Variants in SPNS2 observed in about 807,000 individuals in gnomAD.
SPNS2 encodes the protein sphingosine-1-phosphate transporter SPNS2.
In SPNS2, 37 loss-of-function variants were observed where a neutral mutation model predicts 57.6. That is an observed-to-expected ratio of 0.64 (90% confidence interval 0.49 to 0.85). SPNS2 has a LOEUF of 0.85. Among genes scored for constraint, SPNS2 ranks in the 40% least tolerant of loss-of-function variants. The pLI is 0.00. For synonymous variants in SPNS2, 440 were observed against 346.9 expected (o/e 1.27, Z -2.98); for missense variants, 831 against 779.1 (o/e 1.07, Z -0.79).
At chr17:4,524,013 G>C (rs1905204956) in intron 2 of SPNS2, among the ~76,000 whole-genome samples, 1 of 152,214 alleles carries the variant, frequency 6.6e-6, no homozygotes, top group African/African-American at 2.4e-5. Flanking sequence ...TGAATGACAA[G>C]ACGGTAGAAT....
chr17:4,533,725 CAG>C, intron 8 of SPNS2, 61 bp from the exon 9 acceptor site: 8 of 1,580,000 alleles, frequency 5.1e-6, no homozygotes, highest in Non-Finnish European at 7.0e-6. Flanking sequence ...GTGTAGGGAA[CAG>C]AGACTGTGGT....
Position 4,536,407 on chromosome 17 carries a change from CG to C in SPNS2, c.1589del (p.Arg530ProfsTer8). 6.2e-7 allele frequency: 1 copy of C among 1,601,956 alleles called. No homozygotes were observed. On this transcript the variant is annotated frameshift_variant, in exon 11 of 13. Coordinates refer to ENST00000329078, the MANE Select transcript of SPNS2 (RefSeq NM_001124758.3). LOFTEE classifies it high-confidence loss of function. Reference sequence around the variant, plus strand: ...CACTGCGCTCTTCTTCGTCAGCGACCGCGCCAGGGCTGAGCAGCAGTGAGTG... The same window carrying C: ...CACTGCGCTCTTCTTCGTCAGCGACCCGCCAGGGCTGAGCAGCAGTGAGTG... ...LATALFFVSD[R>X]ARAEQQVNQL... is the part of the protein sequence containing the mutation.
intron 5 of SPNS2, 75 bp downstream of exon 5, chr17:4,531,194 C>G (rs62064929): frequency 5.5e-6 from 8 of 1,441,496 alleles, no homozygotes; most frequent in Non-Finnish European, 7.7e-6. Context: ...GAGATGTAAT[C>G]CAGGCTAGGA....
At chr17:4,507,218 C>T (rs1458345319) in intron 1 of SPNS2, among the ~76,000 whole-genome samples, 1 of 152,228 alleles carries the variant, frequency 6.6e-6, no homozygotes, top group Non-Finnish European at 1.5e-5. Context: ...CAGCGTGAGC[C>T]AGCACTGAGG....
At position 4,531,002 on chromosome 17, in the gene SPNS2, T is replaced by C. The variant is rs374986986; in HGVS notation, c.726-51T>C. 6.2e-6 allele frequency: 10 copies of C among 1,600,352 alleles called. No homozygotes were observed. In the East Asian group the frequency reaches 1.8e-4, roughly 29 times the overall value. On this transcript the variant is annotated intron_variant, in intron 4 of 12. Transcript: ENST00000329078. Reference sequence around the variant, plus strand: ...GCCTTGCAGACCAGCGGGCACTCCCTGTCCCCAGCCCCTGTCTCTGCTCAG... The same window carrying C: ...GCCTTGCAGACCAGCGGGCACTCCCCGTCCCCAGCCCCTGTCTCTGCTCAG...
In SPNS2 at chr17:4,499,031, C is replaced by T; in HGVS notation, c.-17C>T. On this transcript the variant is annotated 5_prime_UTR_variant, in exon 1 of 13. Transcript: ENST00000329078. This position sits in a 1 kb window ranked among gnomAD's most constrained non-coding sequence, Gnocchi z 5.2. The stretch of plus-strand genomic sequence containing the variant: ...CCCGCGCCCCCCGCGCCCCCCGCCG[C>T]CCCGATCCGGGCCGGCATGATGTGC... The T allele has an allele frequency of 1.0e-6, 1 of 1,002,348 alleles. No homozygotes were observed. The highest frequency in any genetic ancestry group is 1.2e-6 in the Non-Finnish European group (1 of 842,560). 62.1% of individuals were successfully genotyped at this position (1,002,348 alleles called of 1,614,324 possible).
At chr17:4,536,975 GCTCC>G in intron 12 of SPNS2, 29 bp downstream of exon 12, 1 of 1,609,772 alleles carries the variant, frequency 6.2e-7, no homozygotes, top group Non-Finnish European at 8.5e-7. Flanking sequence ...GCACGTGGGG[GCTCC>G]CTAAGGAAAG....
chr17:4,531,492 G>T lies in SPNS2; in HGVS notation c.792+373G>T, dbSNP rs546910336. ...CTGTGCTAGGGTAAGGCTGGGACAA[G>T]ACCTCTGTGTGGGGGCCCCAGAGTC... On this transcript the variant is annotated intron_variant, in intron 5 of 12. Coordinates refer to ENST00000329078, the MANE Select transcript of SPNS2 (RefSeq NM_001124758.3). Among the ~76,000 whole-genome samples, 14 of 152,312 alleles carry T rather than the reference G, an allele frequency of 9.2e-5. No homozygotes were observed. The South Asian group carries it at 2.9e-3, about 32-fold the overall frequency.
At position 4,530,690 on chromosome 17, in the gene SPNS2, C is replaced by G; in HGVS notation, c.632C>G (p.Ser211Cys). The change falls in exon 4 of 13, where the codon TCC (serine) becomes TGC (cysteine). Residue 211 changes from serine to cysteine, a missense_variant. By Grantham distance (112) the Ser-to-Cys change is moderately radical (BLOSUM62 -1). Transcript: ENST00000329078. The stretch of plus-strand genomic sequence containing the variant: ...GTGGGCATCGGGGAGGCCAGCTACT[C>G]CACCATCGCCCCCACTATCATTGGC... ...GLVGIGEASYSTIAPTIIGDL... is the reference protein window; with the variant it reads ...GLVGIGEASYCTIAPTIIGDL... The G allele has an allele frequency of 6.2e-7, 1 of 1,613,966 alleles. No homozygotes were observed. The highest frequency in any genetic ancestry group is 8.5e-7 in the Non-Finnish European group (1 of 1,179,940).
intron 2 of SPNS2, among the ~76,000 whole-genome samples, chr17:4,514,257 G>A (rs1012571253): frequency 6.6e-6 from 1 of 152,226 alleles, no homozygotes; most frequent in African/African-American, 2.4e-5. Flanking sequence ...CTGGGCCCTT[G>A]GCCCTGGAGT....
intron 2 of SPNS2, among the ~76,000 whole-genome samples, chr17:4,515,151 C>G (rs571064974): frequency 6.6e-6 from 1 of 152,140 alleles, no homozygotes; most frequent in South Asian, 2.1e-4. Context: ...TTCTGCGGTT[C>G]TGTCCCAGGC....
At chr17:4,524,024 G>T (rs1426323199) in intron 2 of SPNS2, among the ~76,000 whole-genome samples, 2 of 152,178 alleles carry the variant, frequency 1.3e-5, no homozygotes, top group African/African-American at 4.8e-5. Flanking sequence ...ACGGTAGAAT[G>T]GACAGATGGA....
In SPNS2 at chr17:4,538,667, AC is replaced by A. The variant is rs569678947; in HGVS notation, c.*1225del. 186 of 534,892 alleles carry A rather than the reference AC, an allele frequency of 3.5e-4. 2 individuals are homozygous for A. Among genetic ancestry groups the A allele is most frequent in the East Asian group, 3.1e-3 (93 of 30,134 alleles). 33.1% of individuals were successfully genotyped at this position (534,892 alleles called of 1,614,324 possible). ...GGTGAGGCCTTGTGGCCAATGGGGG[AC>A]CCCCCAAGAGCCAGCTTGGACAATG... On this transcript the variant is annotated 3_prime_UTR_variant, in exon 13 of 13. Coordinates refer to ENST00000329078, the MANE Select transcript of SPNS2 (RefSeq NM_001124758.3).
intron 2 of SPNS2, among the ~76,000 whole-genome samples, chr17:4,515,148 G>T (rs890562056): frequency 6.6e-6 from 1 of 152,156 alleles, no homozygotes; most frequent in Non-Finnish European, 1.5e-5. Flanking sequence ...TCTTTCTGCG[G>T]TTCTGTCCCA....
chr17:4,507,412 A>G (rs1379271059), intron 1 of SPNS2, among the ~76,000 whole-genome samples: 1 of 152,258 alleles, frequency 6.6e-6, no homozygotes, highest in African/African-American at 2.4e-5. Context: ...CCCACTAGTT[A>G]ATTACAAATG....
chr17:4,509,049 G>A (rs1394115025), intron 1 of SPNS2, among the ~76,000 whole-genome samples: 1 of 152,198 alleles, frequency 6.6e-6, no homozygotes, highest in South Asian at 2.1e-4. Flanking sequence ...GAGAATCACC[G>A]GGGCCCATTC....
intron 8 of SPNS2, 75 bp from the exon 9 acceptor site, chr17:4,533,713 G>A: frequency 6.5e-7 from 1 of 1,531,728 alleles, no homozygotes; most frequent in Non-Finnish European, 9.0e-7. Flanking sequence ...CCAGCAGCCA[G>A]TGTGTAGGGA....
chr17:4,525,309 C>A, intron 3 of SPNS2, 116 bp downstream of exon 3: 1 of 1,401,016 alleles, frequency 7.1e-7, no homozygotes, highest in Non-Finnish European at 9.7e-7. Context: ...TTTGCTTGAA[C>A]CCCACTGTCT....
At position 4,499,102 on chromosome 17, in the gene SPNS2, G is replaced by T; in HGVS notation, c.55G>T (p.Ala19Ser). ...GGCGGGCGGCGCGGAGGAGGAGGAG[G>T]CGGACGCGGAGCGGCGGCGCCGGCG... Reference protein sequence around the residue: ...AAAGGAEEEEADAERRRRRRG... With the variant: ...AAAGGAEEEESDAERRRRRRG... Residue 19 changes from alanine (A) to serine (S), a missense_variant, in exon 1 of 13, where the codon GCG becomes TCG. By Grantham distance (99) the Ala-to-Ser change is moderately conservative. Around this residue, in one of 2 missense-constraint regions of SPNS2, gnomAD observed 305 missense variants for 378.3 expected, o/e 0.81. Transcript: ENST00000329078. The surrounding 1 kb of genome is among the most constrained non-coding windows in gnomAD (Gnocchi z 5.2). The T allele has an allele frequency of 9.3e-7, 1 of 1,080,214 alleles. No individual in the cohort carries two copies. The highest frequency in any genetic ancestry group is 4.3e-5 in the South Asian group (1 of 22,992). The allele number at this position is 1,080,214 out of a possible 1,614,324, so 66.9% of individuals were successfully genotyped here. A position where few individuals can be genotyped will look rare whatever the true frequency, so the allele number is the denominator to read the frequency against.
Sources: allele counts gnomAD v4.1 joint callset (sites outside exome capture counted in the v4.1 genomes callset), GRCh38; gene constraint gnomAD v4.1.1; regional missense constraint gnomAD v4.1.1; non-coding constraint Gnocchi (gnomAD v3.1); transcripts MANE v1.5; gene names NCBI Gene and HGNC (gene_info 2026-07-23, HGNC 2026-07-21).